The following RAB3GAP1 variants were observed in gnomAD, a reference collection of about 807,000 sequenced individuals.
RAB3GAP1 encodes the protein rab3 GTPase-activating protein catalytic subunit.
In RAB3GAP1, 86 loss-of-function variants were observed where a neutral mutation model predicts 130.7. That is an observed-to-expected ratio of 0.66 (90% CI 0.55 to 0.79). The LOEUF (loss-of-function observed/expected upper bound fraction) is 0.79, where lower values mean the gene tolerates loss of function less well. Ranked by LOEUF, RAB3GAP1 falls within the 30% of genes least tolerant of loss-of-function variation. The probability of loss-of-function intolerance (pLI) is 0.00; values close to 1 mark genes in which losing one functional copy is unlikely to be tolerated. For synonymous variants in RAB3GAP1, 367 were observed against 401.7 expected (o/e 0.91, Z 1.03); for missense variants, 1,029 against 1,169.4 (o/e 0.88, Z 1.75).
At chr2:135,068,240 A>G (rs990847389) in intron 3 of RAB3GAP1, among the ~76,000 whole-genome samples, 1 of 152,210 alleles carries the variant, frequency 6.6e-6, no homozygotes, top group Non-Finnish European at 1.5e-5. Flanking sequence ...TAATTCTGAG[A>G]TAGATAAGAA....
At chr2:135,093,446 A>G (rs76777610) in intron 4 of RAB3GAP1, among the ~76,000 whole-genome samples, 169 bp from the exon 5 acceptor site, 16 of 152,176 alleles carry the variant, frequency 1.1e-4, no homozygotes, top group African/African-American at 3.6e-4. Context: ...AGAAAAAAAA[A>G]TGAGAGAGAA....
At chr2:135,061,560 T>A (rs1689170817) in intron 3 of RAB3GAP1, among the ~76,000 whole-genome samples, 1 of 152,202 alleles carries the variant, frequency 6.6e-6, no homozygotes, top group Admixed American at 6.6e-5. Context: ...CACTTTGAAT[T>A]TTCATGCATT....
intron 19 of RAB3GAP1, among the ~76,000 whole-genome samples, chr2:135,159,685 A>T (rs1692414370): frequency 6.6e-6 from 1 of 152,272 alleles, no homozygotes; most frequent in Non-Finnish European, 1.5e-5. Flanking sequence ...GCGTACATAC[A>T]TACATGCTGA....
At chr2:135,166,007 A>G (rs1692637206) in intron 23 of RAB3GAP1, among the ~76,000 whole-genome samples, 2 of 152,076 alleles carry the variant, frequency 1.3e-5, no homozygotes, top group Admixed American at 1.3e-4. Flanking sequence ...CCCTTTCTCT[A>G]CTAAAAATAC....
chr2:135,146,149 G>C lies in RAB3GAP1; in HGVS notation c.1924-4220G>C, dbSNP rs1691984441. ...TTCTCATGATTAAATTTTAGTATTA[G>C]AACAGAATCTTTTAATGCTAGAAAC... On this transcript the variant is annotated intron_variant, in intron 17 of 23. Transcript: ENST00000264158. Among the ~76,000 whole-genome samples the C allele has an allele frequency of 3.4e-5, 5 of 148,128 alleles. No homozygotes were observed. In the South Asian group the frequency reaches 1.1e-3, roughly 32 times the overall value.
intron 5 of RAB3GAP1, among the ~76,000 whole-genome samples, chr2:135,112,216 T>C (rs548311232): frequency 1.3e-5 from 2 of 152,260 alleles, no homozygotes; most frequent in East Asian, 3.9e-4. Context: ...TGATGAAACC[T>C]ACAGCCGATA....
chr2:135,157,227 C>T (rs1692336390), intron 19 of RAB3GAP1, among the ~76,000 whole-genome samples: 1 of 152,188 alleles, frequency 6.6e-6, no homozygotes, highest in African/African-American at 2.4e-5. Flanking sequence ...CTGTGTTGCT[C>T]AGGCTGATCT....
At chr2:135,072,632 T>C (rs1689511296) in intron 3 of RAB3GAP1, among the ~76,000 whole-genome samples, 2 of 152,234 alleles carry the variant, frequency 1.3e-5, no homozygotes, top group African/African-American at 4.8e-5. Flanking sequence ...CCATCTATTA[T>C]ATGCTTGGAC....
At chr2:135,065,344 C>T (rs577509322) in intron 3 of RAB3GAP1, among the ~76,000 whole-genome samples, 1 of 152,258 alleles carries the variant, frequency 6.6e-6, no homozygotes, top group African/African-American at 2.4e-5. Flanking sequence ...CTGCCTTTTC[C>T]AGTTAGGTAC....
intron 4 of RAB3GAP1, among the ~76,000 whole-genome samples, chr2:135,092,148 T>C (rs552846504): frequency 6.6e-6 from 1 of 152,292 alleles, no homozygotes; most frequent in African/African-American, 2.4e-5. Context: ...TGTAAGGCAG[T>C]TATACAGCAA....
At chr2:135,164,291 CTG>C (rs1354005242) in intron 22 of RAB3GAP1, among the ~76,000 whole-genome samples, 2 of 151,848 alleles carry the variant, frequency 1.3e-5, no homozygotes, top group Non-Finnish European at 2.9e-5. Flanking sequence ...CTTTTATTAA[CTG>C]TAGCATTTTC....
In RAB3GAP1 at chr2:135,130,637, A is replaced by G; in HGVS notation, c.1152A>G (p.Val384=). The G allele has an allele frequency of 6.2e-7, 1 of 1,613,684 alleles. No homozygotes were observed. The highest frequency in any genetic ancestry group is 8.5e-7 in the Non-Finnish European group (1 of 1,179,642). Residue 384 remains valine (V), a synonymous_variant, in exon 13 of 24, where the codon GTA becomes GTG. Transcript: ENST00000264158. The part of the protein sequence containing the change: ...PIHKLSVSNM[V]HTAKKKIRKH... ...ATAAATTATCAGTTTCAAATATGGTACACACTGCAAAGAAGAAAATCCGAA... is the reference window on the plus strand; with the variant it reads ...ATAAATTATCAGTTTCAAATATGGTGCACACTGCAAAGAAGAAAATCCGAA...
At position 135,069,531 on chromosome 2, in the gene RAB3GAP1, T is replaced by G. The variant is rs182991613; in HGVS notation, c.150+11445T>G. ...ATGGATGAGTCATTTTCTAAAACTTTGTAAAAATGGTTGTTGAGAATTTCA... is the reference window on the plus strand; with the variant it reads ...ATGGATGAGTCATTTTCTAAAACTTGGTAAAAATGGTTGTTGAGAATTTCA... On this transcript the variant is annotated intron_variant, in intron 3 of 23. Transcript: ENST00000264158. Among the ~76,000 whole-genome samples, 616 of 152,324 alleles carry G rather than the reference T, an allele frequency of 4.0e-3. 2 individuals are homozygous for G. The highest frequency in any genetic ancestry group is 6.7e-3 in the Non-Finnish European group (456 of 68,024).
At chr2:135,174,455 G>A (rs1033616070), downstream of RAB3GAP1, among the ~76,000 whole-genome samples, 3 of 152,150 alleles carry the variant, frequency 2.0e-5, no homozygotes, top group African/African-American at 7.2e-5. Flanking sequence ...CTGTGTGCTG[G>A]GCCAGGGCCT....
chr2:135,065,831 C>T lies in RAB3GAP1; in HGVS notation c.150+7745C>T, dbSNP rs867125389. Among the ~76,000 whole-genome samples the T allele has an allele frequency of 1.2e-4, 17 of 140,556 alleles. 1 individual carries two copies. The highest frequency in any genetic ancestry group is 7.8e-3 in the Middle Eastern group (2 of 258). 92.2% of individuals were successfully genotyped at this position (140,556 alleles called of 152,430 possible). A position where few individuals can be genotyped will look rare whatever the true frequency, so the allele number is the denominator to read the frequency against. ...CTGTCACCAGGCTGGAGTGCAGTTG[C>T]GCGATCTCGGCTCACTGCAACCTTT... On this transcript the variant is annotated intron_variant, in intron 3 of 23. Coordinates refer to ENST00000264158, the MANE Select transcript of RAB3GAP1 (RefSeq NM_012233.3).
At chr2:135,106,724 C>G (rs62170177) in intron 5 of RAB3GAP1, among the ~76,000 whole-genome samples, 45,500 of 147,354 alleles carry the variant, frequency 0.31, 10,796 homozygotes, top group African/African-American at 0.65. Flanking sequence ...ATCCCCCTCT[C>G]CGAGAAACAC....
chr2:135,087,896 G>C (rs956796916), intron 3 of RAB3GAP1, among the ~76,000 whole-genome samples: 11 of 152,070 alleles, frequency 7.2e-5, no homozygotes, highest in African/African-American at 1.9e-4. Flanking sequence ...TGAATTACTA[G>C]GTCAGTTTTG....
intron 6 of RAB3GAP1, 74 bp from the exon 7 acceptor site, chr2:135,115,142 T>G: frequency 7.1e-7 from 1 of 1,415,026 alleles, no homozygotes; most frequent in Non-Finnish European, 9.8e-7. Flanking sequence ...TTAAAATAAT[T>G]TGGAAAAAAT....
chr2:135,057,126 T>C (rs1689036586), intron 2 of RAB3GAP1, among the ~76,000 whole-genome samples: 2 of 152,214 alleles, frequency 1.3e-5, no homozygotes, highest in Non-Finnish European at 2.9e-5. Context: ...TTCAGTTCTC[T>C]TTTTAATAGG....
Sources: allele counts gnomAD v4.1 joint callset (sites outside exome capture counted in the v4.1 genomes callset), GRCh38; gene constraint gnomAD v4.1.1; transcripts MANE v1.5; gene names NCBI Gene and HGNC (gene_info 2026-07-23, HGNC 2026-07-21).